IMPA1: variants seen among roughly 807,000 people sequenced by gnomAD.
The protein encoded by IMPA1 is D-galactose 1-phosphate phosphatase.
IMPA1 carries 21 observed loss-of-function variants against 34.9 expected under a neutral mutation model. That is an observed-to-expected ratio of 0.60 (90% CI 0.43 to 0.87). IMPA1 has a LOEUF of 0.87. Ranked by LOEUF, IMPA1 falls within the 40% of genes least tolerant of loss-of-function variation. The pLI is 0.00. For missense variants in IMPA1, 299 were observed against 336.4 expected, an observed-to-expected ratio of 0.89 and a Z score of 0.87; for synonymous variants, 95 against 104.4, an observed-to-expected ratio of 0.91 and a Z score of 0.55.
chr8:81,681,157 A>T (rs917633454), intron 2 of IMPA1, among the ~76,000 whole-genome samples: 1 of 152,182 alleles, frequency 6.6e-6, no homozygotes, highest in Non-Finnish European at 1.5e-5. Flanking sequence ...GCACTTTGGG[A>T]GGCCAAGGTG....
chr8:81,677,387 G>A (rs1563587921), intron 4 of IMPA1, among the ~76,000 whole-genome samples: 3 of 152,140 alleles, frequency 2.0e-5, no homozygotes, highest in Admixed American at 6.5e-5. Context: ...GAGCCACCGC[G>A]CCTGGCCTGT....
At chr8:81,679,507 G>A (rs1466313988) in intron 3 of IMPA1, among the ~76,000 whole-genome samples, 1 of 151,832 alleles carries the variant, frequency 6.6e-6, no homozygotes, top group African/African-American at 2.4e-5. Context: ...CAGCAACTTG[G>A]AAGGCTGAGG....
chr8:81,684,439 A>C (rs1441319480), intron 1 of IMPA1, among the ~76,000 whole-genome samples: 1 of 142,680 alleles, frequency 7.0e-6, no homozygotes, highest in East Asian at 2.1e-4. Context: ...ACATAAGTAT[A>C]TTTAGATACT....
chr8:81,684,138 TACAC>T (rs955987022), intron 1 of IMPA1, among the ~76,000 whole-genome samples: 6 of 113,992 alleles, frequency 5.3e-5, no homozygotes, highest in African/African-American at 1.2e-4. Flanking sequence ...CATACACACA[TACAC>T]ACACACACAC....
chr8:81,672,910 A>G (rs1180252855), intron 6 of IMPA1, among the ~76,000 whole-genome samples: 1 of 152,222 alleles, frequency 6.6e-6, no homozygotes, highest in Non-Finnish European at 1.5e-5. Context: ...AGTAGATAAA[A>G]CATAAACCAT....
At chr8:81,666,427 C>A (rs1335831953) in intron 7 of IMPA1, among the ~76,000 whole-genome samples, 1 of 152,144 alleles carries the variant, frequency 6.6e-6, no homozygotes, top group Non-Finnish European at 1.5e-5. Flanking sequence ...ATCAATAGGC[C>A]TAACCTATCT....
intron 6 of IMPA1, among the ~76,000 whole-genome samples, chr8:81,672,932 G>A (rs1452978009): frequency 6.6e-6 from 1 of 152,116 alleles, no homozygotes; most frequent in Admixed American, 6.5e-5. Context: ...AATTCCACAA[G>A]GACAGTGTGA....
chr8:81,681,408 C>G, intron 2 of IMPA1, 90 bp downstream of exon 2: 1 of 780,444 alleles, frequency 1.3e-6, no homozygotes, highest in East Asian at 2.6e-5. Context: ...AAAAAGAAAC[C>G]AAATCGAAAC....
chr8:81,674,000 C>T (rs753984254), intron 5 of IMPA1, 51 bp from the exon 6 acceptor site: 9 of 1,104,918 alleles, frequency 8.1e-6, no homozygotes, highest in Non-Finnish European at 1.2e-5. Flanking sequence ...GTTTCATCCA[C>T]TTTTTTCTAA....
Position 81,679,116 on chromosome 8 carries a change from T to G in IMPA1, c.302+10A>C. On this transcript the variant is annotated intron_variant, in intron 4 of 8. Transcript: ENST00000256108. ...CAAAGAGTAATTATATTAGACATTT[T>G]AAAACATACCTATGTACAAAGTTAG... 1 of 1,548,828 alleles carries G rather than the reference T, an allele frequency of 6.5e-7. No individual in the cohort carries two copies. The highest frequency in any genetic ancestry group is 1.4e-5 in the African/African-American group (1 of 73,782).
intron 7 of IMPA1, among the ~76,000 whole-genome samples, chr8:81,667,798 T>C (rs1416239720): frequency 6.6e-6 from 1 of 151,826 alleles, no homozygotes; most frequent in Non-Finnish European, 1.5e-5. Flanking sequence ...AAAGAACTTG[T>C]CTGAACTGTG....
chr8:81,685,595 T>G (rs1807490924), intron 1 of IMPA1, among the ~76,000 whole-genome samples: 1 of 138,584 alleles, frequency 7.2e-6, no homozygotes, highest in Non-Finnish European at 1.6e-5. Context: ...ATTTATGTAC[T>G]ATATATAAGT....
chr8:81,663,504 G>A (rs896874589), intron 7 of IMPA1, among the ~76,000 whole-genome samples: 3 of 152,124 alleles, frequency 2.0e-5, no homozygotes, highest in Non-Finnish European at 2.9e-5. Flanking sequence ...CCAGCTGTGC[G>A]ATCTCAAGCA....
In IMPA1 at chr8:81,686,321, G is replaced by T. The variant is rs1481170035; in HGVS notation, c.-94C>A. Reference sequence around the variant, plus strand: ...GCACTCGTCTCTTCCGGAGGTAGAGGGGCTACTCGCAACAGGAAGTTCCGC... The same window carrying T: ...GCACTCGTCTCTTCCGGAGGTAGAGTGGCTACTCGCAACAGGAAGTTCCGC... On this transcript the variant is annotated 5_prime_UTR_variant, in exon 1 of 9. Coordinates refer to ENST00000256108, the MANE Select transcript of IMPA1 (RefSeq NM_005536.4). The T allele has an allele frequency of 4.1e-6, 4 of 986,966 alleles. No homozygotes were observed. The highest frequency in any genetic ancestry group is 4.8e-6 in the Non-Finnish European group (4 of 830,950). The allele number at this position is 986,966 out of a possible 1,614,324, so 61.1% of individuals were successfully genotyped here.
chr8:81,664,784 G>C (rs1045167632), intron 7 of IMPA1, among the ~76,000 whole-genome samples: 1 of 151,632 alleles, frequency 6.6e-6, no homozygotes, highest in Non-Finnish European at 1.5e-5. Context: ...GAGTTAATGC[G>C]TGCAGCACAC....
At chr8:81,662,023 C>T (rs1806695550) in intron 7 of IMPA1, among the ~76,000 whole-genome samples, 1 of 152,070 alleles carries the variant, frequency 6.6e-6, no homozygotes, top group Non-Finnish European at 1.5e-5. Flanking sequence ...AAAAATTGCA[C>T]CTAAGTACAT....
At chr8:81,676,017 T>A (rs1257269221) in intron 5 of IMPA1, among the ~76,000 whole-genome samples, 1 of 152,250 alleles carries the variant, frequency 6.6e-6, no homozygotes, top group Non-Finnish European at 1.5e-5. Flanking sequence ...CTTGTGTGTA[T>A]TTTCTTCTTA....
At position 81,681,603 on chromosome 8, in the gene IMPA1, ACTGT is replaced by A; in HGVS notation, c.-24-23_-24-20del. 1 of 1,393,460 alleles carries A rather than the reference ACTGT, an allele frequency of 7.2e-7. No homozygotes were observed. Among genetic ancestry groups the A allele is most frequent in the Non-Finnish European group, 1.0e-6 (1 of 980,384 alleles). 86.3% of individuals were successfully genotyped at this position (1,393,460 alleles called of 1,614,324 possible). A position where few individuals can be genotyped will look rare whatever the true frequency, so the allele number is the denominator to read the frequency against. ...CAAATATCTGTACAAAGTAGTTATA[ACTGT>A]CTTAGAAGTCTTAATTATAGAATAG... On this transcript the variant is annotated intron_variant, in intron 1 of 8. Coordinates refer to ENST00000256108, the MANE Select transcript of IMPA1 (RefSeq NM_005536.4).
intron 1 of IMPA1, among the ~76,000 whole-genome samples, chr8:81,683,466 G>C (rs1807362269): frequency 6.6e-6 from 1 of 152,112 alleles, no homozygotes; most frequent in East Asian, 1.9e-4. Context: ...CTAACAGATT[G>C]GCTACAGAGT....
Sources: allele counts gnomAD v4.1 joint callset (sites outside exome capture counted in the v4.1 genomes callset), GRCh38; gene constraint gnomAD v4.1.1; transcripts MANE v1.5; gene names NCBI Gene and HGNC (gene_info 2026-07-23, HGNC 2026-07-21).